Variants in TIAM2 observed in about 807,000 individuals in gnomAD.
The protein encoded by TIAM2 is rho guanine nucleotide exchange factor TIAM2.
Under a neutral mutation model 152.9 loss-of-function variants are expected in TIAM2, and 80 were observed. That is an observed-to-expected ratio of 0.52 (90% CI 0.44 to 0.63). The LOEUF (loss-of-function observed/expected upper bound fraction) is 0.63. Ranked by LOEUF, TIAM2 falls within the 30% of genes least tolerant of loss-of-function variation. TIAM2 has a pLI of 0.00. For synonymous variants in TIAM2, 804 were observed against 838.0 expected, an observed-to-expected ratio of 0.96 and a Z score of 0.70; for missense variants, 1,965 against 2,120.1, an observed-to-expected ratio of 0.93 and a Z score of 1.44.
chr6:155,099,917 G>C (rs1778516577), intron 2 of TIAM2, among the ~76,000 whole-genome samples: 2 of 152,234 alleles, frequency 1.3e-5, no homozygotes, highest in South Asian at 4.1e-4. Context: ...TATGGCATGT[G>C]ACTGTAGTGA....
chr6:155,253,355 C>T, intron 24 of TIAM2: 1 of 320,534 alleles, frequency 3.1e-6, no homozygotes, highest in Non-Finnish European at 5.7e-6. Context: ...AACAAAGATC[C>T]ACAAATTTAT....
intron 1 of TIAM2, among the ~76,000 whole-genome samples, chr6:155,073,159 C>CTTTTT (rs34459359): frequency 1.0e-4 from 11 of 105,292 alleles, no homozygotes; most frequent in African/African-American, 1.5e-4. Flanking sequence ...TGATTAAGTT[C>CTTTTT]TTTTTTTTTT....
chr6:155,204,775 C>T (rs1338650032), intron 14 of TIAM2, among the ~76,000 whole-genome samples: 1 of 152,156 alleles, frequency 6.6e-6, no homozygotes, highest in Non-Finnish European at 1.5e-5. Context: ...TGAAGCACGG[C>T]TTTTTCCGAT....
At chr6:155,172,676 ATATATATATATTTTTTTTTTT>A (rs1469956969) in intron 9 of TIAM2, among the ~76,000 whole-genome samples, 3 of 13,068 alleles carry the variant, frequency 2.3e-4, no homozygotes, top group East Asian at 4.8e-3. Context: ...ATATATATAT[ATATATATATATTTTTTTTTTT>A]TTTTTTTTTT....
At chr6:155,083,215 G>A (rs2114969550) in intron 1 of TIAM2, among the ~76,000 whole-genome samples, 1 of 152,156 alleles carries the variant, frequency 6.6e-6, no homozygotes, top group South Asian at 2.1e-4. Context: ...CGGGGATGGT[G>A]GCGTGCACCT....
chr6:155,200,701 G>A (rs1220212607), intron 14 of TIAM2, among the ~76,000 whole-genome samples: 1 of 152,020 alleles, frequency 6.6e-6, no homozygotes, highest in Non-Finnish European at 1.5e-5. Context: ...TCAAGAGATC[G>A]AGACCATCCT....
intron 14 of TIAM2, among the ~76,000 whole-genome samples, chr6:155,191,636 ACAAAAATTAGCC>A: frequency 6.6e-6 from 1 of 152,144 alleles, no homozygotes. Flanking sequence ...TACTAAAAAT[ACAAAAATTAGCC>A]AGGCGTTGTG....
chr6:155,044,130 G>T (rs960297649), intron 1 of TIAM2, among the ~76,000 whole-genome samples: 1 of 152,112 alleles, frequency 6.6e-6, no homozygotes, highest in Non-Finnish European at 1.5e-5. Context: ...CTTCCTGCCT[G>T]CTAGTTTGTT....
chr6:155,119,706 A>G (rs755784306), intron 2 of TIAM2, among the ~76,000 whole-genome samples: 1 of 152,226 alleles, frequency 6.6e-6, no homozygotes. Flanking sequence ...CTTAGAGTGG[A>G]TGTACCATTC....
At chr6:155,160,660 C>G (rs9371366) in intron 7 of TIAM2, among the ~76,000 whole-genome samples, 70,772 of 151,738 alleles carry the variant, frequency 0.47, 16,979 homozygotes, top group East Asian at 0.55. Context: ...TCTTGAGAGG[C>G]TGAGTTGGGA....
At chr6:155,154,333 G>T (rs1780052924) in intron 7 of TIAM2, among the ~76,000 whole-genome samples, 1 of 152,162 alleles carries the variant, frequency 6.6e-6, no homozygotes, top group Admixed American at 6.5e-5. Context: ...CGAAGTACGT[G>T]GGTGGAGAAG....
chr6:155,007,025 C>T (rs900433248), intron 1 of TIAM2, among the ~76,000 whole-genome samples: 1 of 152,134 alleles, frequency 6.6e-6, no homozygotes, highest in Non-Finnish European at 1.5e-5. Flanking sequence ...AGGGTCTTGC[C>T]ATGTTGCTCA....
chr6:155,045,053 T>TC (rs1777139258), intron 1 of TIAM2, among the ~76,000 whole-genome samples: 1 of 146,080 alleles, frequency 6.8e-6, no homozygotes, highest in Non-Finnish European at 1.5e-5. Flanking sequence ...TCTTTTTCTT[T>TC]TTTTTTTTTT....
chr6:155,063,889 AT>A (rs1777638709), intron 1 of TIAM2, among the ~76,000 whole-genome samples: 1 of 152,090 alleles, frequency 6.6e-6, no homozygotes, highest in Admixed American at 6.6e-5. Context: ...TGGATGTAAG[AT>A]AGTGAAGCTC....
At chr6:155,124,661 G>T (rs1347646674) in intron 2 of TIAM2, among the ~76,000 whole-genome samples, 1 of 152,100 alleles carries the variant, frequency 6.6e-6, no homozygotes, top group Non-Finnish European at 1.5e-5. Context: ...TGGGGTTCTT[G>T]TGGTCCAGCC....
At chr6:155,217,507 G>A (rs896639250) in intron 15 of TIAM2, among the ~76,000 whole-genome samples, 28 of 152,248 alleles carry the variant, frequency 1.8e-4, no homozygotes, top group African/African-American at 6.5e-4. Flanking sequence ...AATTTCCTTG[G>A]AGTATAGCAC....
Position 155,137,467 on chromosome 6 carries a change from G to C in TIAM2, c.1485G>C (p.Gln495His). 4 of 1,614,254 alleles carry C rather than the reference G, an allele frequency of 2.5e-6. No homozygotes were observed. The highest frequency in any genetic ancestry group is 3.4e-6 in the Non-Finnish European group (4 of 1,180,046). ...SSSESLSSLE[Q>H]LDLLFEKEQG... ...GCGAGTCACTCAGCTCTCTGGAACA[G>C]CTGGATCTGCTCTTTGAGAAGGAAC... Residue 495 changes from glutamine (Q) to histidine (H), a missense_variant, in exon 5 of 27, where the codon CAG becomes CAC. Gln to His is a conservative substitution (Grantham distance 24, BLOSUM62 0). Around this residue, in one of 3 missense-constraint regions of TIAM2, gnomAD observed 1,025 missense variants for 1,119.4 expected, o/e 0.92. Transcript: ENST00000682666.
intron 1 of TIAM2, among the ~76,000 whole-genome samples, chr6:155,039,038 G>A (rs569725593): frequency 1.4e-5 from 2 of 142,118 alleles, no homozygotes; most frequent in East Asian, 4.3e-4. Flanking sequence ...TTGGCTCAAT[G>A]CAGCCTCAAC....
intron 6 of TIAM2, among the ~76,000 whole-genome samples, chr6:155,145,875 T>G (rs1410969148): frequency 6.6e-6 from 1 of 152,206 alleles, no homozygotes; most frequent in Admixed American, 6.5e-5. Context: ...CTTAACTTAC[T>G]AGAGCCAGGG....
Sources: allele counts gnomAD v4.1 joint callset (sites outside exome capture counted in the v4.1 genomes callset), GRCh38; gene constraint gnomAD v4.1.1; regional missense constraint gnomAD v4.1.1; transcripts MANE v1.5; gene names NCBI Gene and HGNC (gene_info 2026-07-23, HGNC 2026-07-21).